Variants in AGBL4 observed in about 807,000 individuals in gnomAD.
AGBL4 encodes cytosolic carboxypeptidase 6.
In AGBL4, 58 loss-of-function variants were observed where a neutral mutation model predicts 66.4. That is an observed-to-expected ratio of 0.87 (90% CI 0.71 to 1.09). The LOEUF is 1.09. Ranked by LOEUF, AGBL4 falls within the 50% of genes least tolerant of loss-of-function variation. The probability of loss-of-function intolerance (pLI) is 0.00; values close to 1 mark genes in which losing one functional copy is unlikely to be tolerated. For missense variants in AGBL4, 579 were observed against 631.0 expected (o/e 0.92, Z 0.88); for synonymous variants, 234 against 222.9 (o/e 1.05, Z -0.44).
At chr1:49,373,589 C>T (rs1003916382) in intron 3 of AGBL4, among the ~76,000 whole-genome samples, 4 of 152,068 alleles carry the variant, frequency 2.6e-5, no homozygotes, top group African/African-American at 9.7e-5. Context: ...TAGTACAAAA[C>T]AGTTCAAAAT....
intron 2 of AGBL4, among the ~76,000 whole-genome samples, chr1:49,754,997 T>C (rs1320738867): frequency 1.3e-5 from 2 of 152,180 alleles, no homozygotes; most frequent in Non-Finnish European, 2.9e-5. Flanking sequence ...CCCCACACCA[T>C]ACTGTAGATG....
chr1:49,258,693 A>C (rs939306050), intron 3 of AGBL4, among the ~76,000 whole-genome samples: 2 of 152,222 alleles, frequency 1.3e-5, no homozygotes, highest in African/African-American at 4.8e-5. Flanking sequence ...GTGCACCTGA[A>C]AGTGACGGGG....
intron 1 of AGBL4, among the ~76,000 whole-genome samples, chr1:49,973,517 T>C (rs1249261007): frequency 6.6e-6 from 1 of 151,146 alleles, no homozygotes; most frequent in East Asian, 1.9e-4. Flanking sequence ...CGTGTAAGAG[T>C]ATTAGAATGT....
At chr1:49,294,367 A>C (rs1265467815) in intron 3 of AGBL4, among the ~76,000 whole-genome samples, 1 of 152,180 alleles carries the variant, frequency 6.6e-6, no homozygotes, top group African/African-American at 2.4e-5. Context: ...CTTGTGGAAC[A>C]CATCATGGGG....
chr1:49,884,730 A>AT (rs1647825591), intron 1 of AGBL4, among the ~76,000 whole-genome samples: 1 of 151,834 alleles, frequency 6.6e-6, no homozygotes. Flanking sequence ...CATTCTAATA[A>AT]TGTTATTATT....
intron 11 of AGBL4, among the ~76,000 whole-genome samples, chr1:48,544,438 C>T (rs1448246262): frequency 1.3e-5 from 2 of 152,206 alleles, no homozygotes; most frequent in Non-Finnish European, 2.9e-5. Flanking sequence ...CTGTGTATGG[C>T]AGATCGTATT....
At chr1:49,412,275 T>G (rs1645331943) in intron 3 of AGBL4, among the ~76,000 whole-genome samples, 1 of 151,968 alleles carries the variant, frequency 6.6e-6, no homozygotes, top group Admixed American at 6.6e-5. Context: ...CCAGTGAAGG[T>G]TCTTGTCCAG....
At chr1:49,861,456 GCA>G (rs1646570608) in intron 1 of AGBL4, among the ~76,000 whole-genome samples, 3 of 152,164 alleles carry the variant, frequency 2.0e-5, no homozygotes, top group South Asian at 4.2e-4. Context: ...GCATGATAGG[GCA>G]CTGGTCAGAG....
At chr1:49,466,912 G>A (rs1646643559) in intron 3 of AGBL4, among the ~76,000 whole-genome samples, 2 of 151,778 alleles carry the variant, frequency 1.3e-5, no homozygotes, top group Admixed American at 6.6e-5. Flanking sequence ...GTGCAGAGAA[G>A]GAAATTTTAC....
chr1:48,539,552 T>A lies in AGBL4; in HGVS notation c.1364+90A>T, dbSNP rs749793274. ...CTTTCCTGCGGCACAGATGGGATGC[T>A]GAGTGTCAGCAAAAGGCTAAGGGAA... On this transcript the variant is annotated intron_variant, in intron 12 of 13. Transcript: ENST00000371839. 9.8e-5 allele frequency: 100 copies of A among 1,025,578 alleles called. 1 individual carries two copies. The highest frequency in any genetic ancestry group is 1.3e-4 in the Non-Finnish European group (95 of 738,514). 63.5% of individuals were successfully genotyped at this position (1,025,578 alleles called of 1,614,324 possible).
chr1:49,079,473 A>C (rs1342306493), intron 4 of AGBL4, among the ~76,000 whole-genome samples: 1 of 152,104 alleles, frequency 6.6e-6, no homozygotes, highest in African/African-American at 2.4e-5. Context: ...AACACTATGA[A>C]ACCATCAGTT....
At chr1:49,756,042 G>A (rs1651861669) in intron 2 of AGBL4, among the ~76,000 whole-genome samples, 1 of 151,944 alleles carries the variant, frequency 6.6e-6, no homozygotes, top group African/African-American at 2.4e-5. Context: ...TTTTATACTA[G>A]TGTTTCTCAA....
chr1:49,026,776 G>A (rs1264578791), intron 5 of AGBL4, among the ~76,000 whole-genome samples: 1 of 152,046 alleles, frequency 6.6e-6, no homozygotes. Flanking sequence ...ATTTGATTAT[G>A]AGCTCATAAA....
chr1:49,090,176 C>A (rs1157273796), intron 4 of AGBL4, among the ~76,000 whole-genome samples: 1 of 152,036 alleles, frequency 6.6e-6, no homozygotes, highest in Non-Finnish European at 1.5e-5. Context: ...AGAACTGGAA[C>A]AAGATAAGAA....
chr1:48,759,096 A>G (rs900615772), intron 6 of AGBL4: 10 of 1,612,206 alleles, frequency 6.2e-6, no homozygotes, highest in Middle Eastern at 1.7e-4. Context: ...GCAGCTCCTC[A>G]TACAGAGCCC....
intron 6 of AGBL4, among the ~76,000 whole-genome samples, chr1:48,846,369 G>GAA (rs1242285668): frequency 9.2e-6 from 1 of 108,750 alleles, no homozygotes. Flanking sequence ...AAAGAAGAAA[G>GAA]AAAGAAAGAA....
intron 1 of AGBL4, among the ~76,000 whole-genome samples, chr1:49,938,101 A>T (rs1469441222): frequency 6.7e-6 from 1 of 149,970 alleles, no homozygotes; most frequent in Non-Finnish European, 1.5e-5. Context: ...ACCGCTAGCA[A>T]GACTAATAAA....
At chr1:48,769,756 T>C (rs1644719318) in intron 6 of AGBL4, among the ~76,000 whole-genome samples, 1 of 152,200 alleles carries the variant, frequency 6.6e-6, no homozygotes, top group South Asian at 2.1e-4. Flanking sequence ...TATTTTTCCA[T>C]ATTATCCTGC....
In AGBL4 at chr1:49,139,105, C is replaced by A. The variant is rs534465484; in HGVS notation, c.378-93305G>T. On this transcript the variant is annotated intron_variant, in intron 4 of 13. Transcript: ENST00000371839. ...TCGCTATCCCAAGAACAGCAAGGGG[C>A]AAATCCACCCTCATGATCCAGTCAC... is the stretch of plus-strand genomic sequence containing the variant. Among the ~76,000 whole-genome samples the A allele has an allele frequency of 3.3e-5, 5 of 152,184 alleles. No homozygotes were observed. In the East Asian group the frequency reaches 7.8e-4, roughly 24 times the overall value.
Sources: gnomAD v4.1 joint callset for allele counts (sites outside exome capture counted in the v4.1 genomes callset) on GRCh38, gnomAD v4.1.1 for gene constraint, MANE v1.5 for transcripts, NCBI Gene and HGNC (gene_info 2026-07-23, HGNC 2026-07-21) for gene names.